CELF2: variants seen among roughly 807,000 people sequenced by gnomAD.
The protein encoded by CELF2 is CUGBP Elav-like family member 2.
A neutral mutation model predicts 62.6 loss-of-function variants in CELF2; 8 were observed. The ratio of observed to expected loss-of-function variants is 0.13; its 90% CI spans 0.07 to 0.23. The LOEUF (loss-of-function observed/expected upper bound fraction) is 0.23, where lower values mean the gene tolerates loss of function less well. Among genes scored for constraint, CELF2 ranks in the 10% least tolerant of loss-of-function variants. The pLI, the probability that CELF2 is intolerant of heterozygous loss-of-function variation, is 1.00. For synonymous variants in CELF2, 258 were observed against 250.0 expected (o/e 1.03, Z -0.30); for missense variants, 333 against 671.0 (o/e 0.50, Z 5.56).
the CELF2 span, among the ~76,000 whole-genome samples, chr10:10,587,456 C>T: frequency 6.6e-6 from 1 of 152,150 alleles, no homozygotes; most frequent in Admixed American, 6.6e-5. Flanking sequence ...GAGGCAAGTC[C>T]TTGCTACACA....
chr10:10,499,543 T>A, the CELF2 span, among the ~76,000 whole-genome samples: 1 of 152,062 alleles, frequency 6.6e-6, no homozygotes, highest in Non-Finnish European at 1.5e-5. Context: ...AGAATGGCAA[T>A]GTGGAGCTTT....
the CELF2 span, among the ~76,000 whole-genome samples, chr10:10,697,869 T>G: frequency 6.6e-6 from 1 of 152,186 alleles, no homozygotes; most frequent in South Asian, 2.1e-4. Flanking sequence ...TTCAGCTCAC[T>G]GCAGCCTGCA....
the CELF2 span, among the ~76,000 whole-genome samples, chr10:10,578,447 C>A: frequency 1.3e-5 from 2 of 152,090 alleles, no homozygotes; most frequent in Non-Finnish European, 2.9e-5. Flanking sequence ...ATGCCTATGT[C>A]CTGAATGGTG....
chr10:10,802,537 T>C (rs1246949815), intron 1 of CELF2, among the ~76,000 whole-genome samples: 1 of 126,790 alleles, frequency 7.9e-6, no homozygotes, highest in Non-Finnish European at 1.6e-5. Context: ...ATGAGATGTT[T>C]ATAGATAAGA....
At chr10:11,131,778 G>C (rs1010482078) in intron 1 of CELF2, among the ~76,000 whole-genome samples, 3 of 152,120 alleles carry the variant, frequency 2.0e-5, no homozygotes, top group Non-Finnish European at 4.4e-5. Context: ...ACTTTTTTTG[G>C]GAAAAGAGAG....
the CELF2 span, among the ~76,000 whole-genome samples, chr10:10,696,906 C>A: frequency 6.6e-6 from 1 of 152,188 alleles, no homozygotes. Flanking sequence ...GAGATGAACC[C>A]GGTACCTCAG....
At chr10:11,288,680 CTTTA>C in intron 9 of CELF2, 128 bp downstream of exon 9, 1 of 984,526 alleles carries the variant, frequency 1.0e-6, no homozygotes, top group South Asian at 1.9e-5. Context: ...TACTGGGCTG[CTTTA>C]TGTCATTGGG....
chr10:11,280,016 G>A lies in CELF2; in HGVS notation c.841+4896G>A, dbSNP rs574663109. On this transcript the variant is annotated intron_variant, in intron 8 of 12. Coordinates refer to ENST00000633077, the MANE Select transcript of CELF2 (RefSeq NM_001326342.2). The surrounding 1 kb of genome is among the most constrained non-coding windows in gnomAD (Gnocchi z 7.6). ...GAAGTCAAATGCAGTTTTTCTTCTC[G>A]GAAAGGAACCGTTTGCCAAGCACGC... is the stretch of plus-strand genomic sequence containing the variant. Among the ~76,000 whole-genome samples, 2 of 152,182 alleles carry A rather than the reference G, an allele frequency of 1.3e-5. No individual in the cohort carries two copies. The highest frequency in any genetic ancestry group is 1.3e-4 in the Admixed American group (2 of 15,284).
the CELF2 span, among the ~76,000 whole-genome samples, chr10:10,680,352 GT>G: frequency 2.0e-5 from 3 of 152,130 alleles, no homozygotes; most frequent in Non-Finnish European, 4.4e-5. Flanking sequence ...ATACTCAACA[GT>G]TTTGGTTTAT....
chr10:10,614,769 T>C, the CELF2 span, among the ~76,000 whole-genome samples: 18 of 152,232 alleles, frequency 1.2e-4, no homozygotes, highest in East Asian at 1.9e-3. Flanking sequence ...CGATTGGAGG[T>C]TGGATAGTGA....
the CELF2 span, among the ~76,000 whole-genome samples, chr10:10,702,911 T>C: frequency 6.6e-6 from 1 of 152,208 alleles, no homozygotes. Flanking sequence ...CAATTTTATT[T>C]CTCTGGCCCT....
At chr10:10,771,867 C>G in the CELF2 span, among the ~76,000 whole-genome samples, 2 of 152,218 alleles carry the variant, frequency 1.3e-5, no homozygotes, top group African/African-American at 4.8e-5. Flanking sequence ...TCCCAGTATC[C>G]TTTCCAGCTA....
the CELF2 span, among the ~76,000 whole-genome samples, chr10:10,480,586 A>T: frequency 6.6e-6 from 1 of 152,220 alleles, no homozygotes; most frequent in Non-Finnish European, 1.5e-5. Context: ...CTAAGTGAGC[A>T]AGATGCTACC....
the CELF2 span, among the ~76,000 whole-genome samples, chr10:10,712,138 G>A: frequency 3.0e-5 from 3 of 101,378 alleles, no homozygotes; most frequent in East Asian, 2.7e-4. Context: ...GAAATTGGTA[G>A]GATAGAGACA....
At position 10,995,481 on chromosome 10, in the gene CELF2, A is replaced by G. The variant is rs1337802326; in HGVS notation, c.89+75482A>G. Among the ~76,000 whole-genome samples the G allele has an allele frequency of 6.6e-6, 1 of 152,202 alleles. No homozygotes were observed. On this transcript the variant is annotated intron_variant, in intron 2 of 13. Coordinates refer to the CELF2 transcript ENST00000636488. The surrounding 1 kb of genome is among the most constrained non-coding windows in gnomAD (Gnocchi z 4.7). ...CTGGAGAGTTTTGCATTGGTGGAAA[A>G]CAGCATGAACGAAAGCACAGACACA...
intron 2 of CELF2, among the ~76,000 whole-genome samples, chr10:11,199,680 A>G (rs1227889591): frequency 1.3e-5 from 2 of 152,254 alleles, no homozygotes. Context: ...AAAGCCATCA[A>G]TATTTTAAAA....
At chr10:10,556,617 C>T in the CELF2 span, among the ~76,000 whole-genome samples, 1 of 152,112 alleles carries the variant, frequency 6.6e-6, no homozygotes, top group Non-Finnish European at 1.5e-5. Context: ...CGCTGACTTC[C>T]ACAATGGTTG....
chr10:10,638,805 C>T, the CELF2 span, among the ~76,000 whole-genome samples: 1 of 152,202 alleles, frequency 6.6e-6, no homozygotes, highest in African/African-American at 2.4e-5. Context: ...GCAGAACTCT[C>T]TTCTAGACCA....
At position 10,925,798 on chromosome 10, in the gene CELF2, C is replaced by A. The variant is rs12098553; in HGVS notation, c.89+5799C>A. 2.2e-3 allele frequency among the ~76,000 whole-genome samples: 338 copies of A among 152,190 alleles called. 4 individuals are homozygous for A. Among genetic ancestry groups the A allele is most frequent in the African/African-American group, 7.9e-3 (330 of 41,532 alleles). On this transcript the variant is annotated intron_variant, in intron 2 of 13. Coordinates refer to the CELF2 transcript ENST00000636488. ...TCACTGCTTGACTCAAAATATGAAA[C>A]AAACCCTCTGGCCTAAGTGACTGGT...
Sources: gnomAD v4.1 joint callset for allele counts (sites outside exome capture counted in the v4.1 genomes callset) on GRCh38, gnomAD v4.1.1 for gene constraint, Gnocchi (gnomAD v3.1) non-coding constraint, MANE v1.5 for transcripts, NCBI Gene and HGNC (gene_info 2026-07-23, HGNC 2026-07-21) for gene names.